TNIP1: variants seen among roughly 807,000 people sequenced by gnomAD.
TNIP1 encodes the protein TNFAIP3 interacting protein 1, also known as TNFAIP3-interacting protein 1.
Under a neutral mutation model 86.6 loss-of-function variants are expected in TNIP1, and 22 were observed. The ratio of observed to expected loss-of-function variants is 0.25; its 90% CI spans 0.18 to 0.36. TNIP1 has a LOEUF of 0.36. Ranked by LOEUF, TNIP1 falls within the 10% of genes least tolerant of loss-of-function variation. TNIP1 has a pLI of 1.00. For synonymous variants in TNIP1, 294 were observed against 313.0 expected (o/e 0.94, Z 0.64); for missense variants, 709 against 820.6 (o/e 0.86, Z 1.66).
chr5:151,042,824 C>A, intron 10 of TNIP1, 72 bp downstream of exon 10: 2 of 1,608,152 alleles, frequency 1.2e-6, no homozygotes, highest in South Asian at 2.2e-5. Context: ...CCCCAAGGTT[C>A]AAAGCTGCTA....
chr5:151,042,988 G>A (rs1255719944), intron 9 of TNIP1, 27 bp from the exon 10 acceptor site: 2 of 1,612,878 alleles, frequency 1.2e-6, no homozygotes, highest in East Asian at 2.2e-5. Context: ...GAGTTAGCAG[G>A]AGATGAGCAG....
chr5:151,072,312 C>T (rs1039826031), intron 1 of TNIP1, among the ~76,000 whole-genome samples: 1 of 152,178 alleles, frequency 6.6e-6, no homozygotes, highest in African/African-American at 2.4e-5. Context: ...TTATATGCAA[C>T]CAGGTGGCAA....
At chr5:151,070,548 C>G (rs58255580) in intron 1 of TNIP1, among the ~76,000 whole-genome samples, 3,390 of 152,240 alleles carry the variant, frequency 0.022, 139 homozygotes, top group African/African-American at 0.077. Context: ...AGCTAGTGAA[C>G]ATGTAGCTAT....
At chr5:151,065,397 G>T (rs10078061) in intron 1 of TNIP1, among the ~76,000 whole-genome samples, 1 of 152,090 alleles carries the variant, frequency 6.6e-6, no homozygotes. Context: ...ACAGTAGGGT[G>T]CAATGTGGGA....
chr5:151,054,582 C>A (rs1430732891), intron 6 of TNIP1, among the ~76,000 whole-genome samples: 1 of 152,184 alleles, frequency 6.6e-6, no homozygotes, highest in African/African-American at 2.4e-5. Flanking sequence ...ATTCAGGGAA[C>A]TGAGGTGGGA....
Position 151,062,227 on chromosome 5 carries a change from A to G in TNIP1, c.272-15T>C, listed in dbSNP as rs1761666420. ...TGAGTCCTTTCCTGGAGAATCAAGA[A>G]AGCACAGATGAACTGACTGGGAAGG... On this transcript the variant is annotated splice_polypyrimidine_tract_variant and intron_variant, in intron 3 of 17. Coordinates refer to ENST00000521591, the MANE Select transcript of TNIP1 (RefSeq NM_006058.5). 6.2e-7 allele frequency: 1 copy of G among 1,612,892 alleles called. No individual in the cohort carries two copies.
chr5:151,058,149 G>C (rs142652380), intron 5 of TNIP1, among the ~76,000 whole-genome samples: 1 of 152,302 alleles, frequency 6.6e-6, no homozygotes, highest in African/African-American at 2.4e-5. Context: ...TTGAACTCCT[G>C]ACCTCAGGTG....
At chr5:151,043,119 T>C (rs1758668246) in intron 9 of TNIP1, among the ~76,000 whole-genome samples, 158 bp from the exon 10 acceptor site, 1 of 152,190 alleles carries the variant, frequency 6.6e-6, no homozygotes, top group South Asian at 2.1e-4. Context: ...AAACTCAATG[T>C]TGCTCAAAGC....
intron 8 of TNIP1, chr5:151,046,228 A>C: frequency 4.3e-6 from 2 of 462,168 alleles, no homozygotes; most frequent in East Asian, 4.1e-5. Flanking sequence ...TTTAGGTACA[A>C]CCTCTAAGGT....
intron 8 of TNIP1, among the ~76,000 whole-genome samples, chr5:151,049,422 C>A (rs965031421): frequency 1.3e-5 from 2 of 152,180 alleles, no homozygotes; most frequent in African/African-American, 4.8e-5. Context: ...TCCAAGGGAG[C>A]TTGCTCAACC....
intron 1 of TNIP1, among the ~76,000 whole-genome samples, chr5:151,073,821 G>T (rs908026284): frequency 6.6e-6 from 1 of 151,848 alleles, no homozygotes; most frequent in African/African-American, 2.4e-5. Context: ...GATCACTTGA[G>T]CCCAGCAGTT....
upstream of TNIP1, among the ~76,000 whole-genome samples, chr5:151,082,293 G>A (rs569258748): frequency 6.6e-6 from 1 of 152,264 alleles, no homozygotes; most frequent in South Asian, 2.1e-4. Flanking sequence ...ATTCATTCTA[G>A]TTTAATTATG....
intron 11 of TNIP1, among the ~76,000 whole-genome samples, chr5:151,041,530 G>C (rs555063326): frequency 6.6e-6 from 1 of 152,166 alleles, no homozygotes; most frequent in South Asian, 2.1e-4. Flanking sequence ...GCCACACCCA[G>C]TGAATTTTTT....
intron 3 of TNIP1, among the ~76,000 whole-genome samples, chr5:151,063,053 A>G (rs1165148534): frequency 2.0e-5 from 3 of 152,208 alleles, no homozygotes; most frequent in African/African-American, 7.2e-5. Context: ...CCTCTACCAT[A>G]CATGGGACTT....
At chr5:151,031,861 T>G (rs1332534794) in intron 17 of TNIP1, among the ~76,000 whole-genome samples, 7 of 151,932 alleles carry the variant, frequency 4.6e-5, no homozygotes, top group Non-Finnish European at 1.0e-4. Flanking sequence ...ATTCTGAGAG[T>G]CTCAACTCAA....
rs556563443 is a variant in TNIP1, at chr5:151,065,459, T to C, written c.-36-328A>G. 2.0e-5 allele frequency among the ~76,000 whole-genome samples: 3 copies of C among 152,278 alleles called. No homozygotes were observed. In the East Asian group the frequency reaches 5.8e-4, roughly 29 times the overall value. ...AAAAAAAATCTGAGTTCATGTCCTG[T>C]CTGTGAGGTCCAGAAGAACAGGAAT... On this transcript the variant is annotated intron_variant, in intron 1 of 17. Transcript: ENST00000521591.
At chr5:151,043,028 C>G in intron 9 of TNIP1, 67 bp from the exon 10 acceptor site, 1 of 1,505,626 alleles carries the variant, frequency 6.6e-7, no homozygotes, top group East Asian at 2.3e-5. Context: ...ATCTCCTGCC[C>G]CATGTACACC....
intron 1 of TNIP1, among the ~76,000 whole-genome samples, chr5:151,075,380 G>C: frequency 6.6e-6 from 1 of 151,950 alleles, no homozygotes; most frequent in South Asian, 2.1e-4. Context: ...TTAGATTCGG[G>C]GGGTACATGT....
At chr5:151,058,501 T>C (rs1760969869) in intron 5 of TNIP1, among the ~76,000 whole-genome samples, 2 of 152,216 alleles carry the variant, frequency 1.3e-5, no homozygotes, top group African/African-American at 4.8e-5. Context: ...GCTCCCCTGC[T>C]GGGCATCTAA....
Sources: gnomAD v4.1 joint callset for allele counts (sites outside exome capture counted in the v4.1 genomes callset) on GRCh38, gnomAD v4.1.1 for gene constraint, MANE v1.5 for transcripts, NCBI Gene and HGNC (gene_info 2026-07-23, HGNC 2026-07-21) for gene names.